Variants in CAMK4 observed in about 807,000 individuals in gnomAD.
CAMK4 encodes the protein calcium/calmodulin dependent protein kinase IV.
A neutral mutation model predicts 44.9 loss-of-function variants in CAMK4; 22 were observed. That is an observed-to-expected ratio of 0.49 (90% CI 0.35 to 0.70). The LOEUF (loss-of-function observed/expected upper bound fraction) is 0.70. CAMK4 is among the 30% of genes least tolerant of loss of function. The probability of loss-of-function intolerance (pLI) is 0.01; values close to 1 mark genes in which losing one functional copy is unlikely to be tolerated. For synonymous variants in CAMK4, 218 were observed against 215.4 expected (o/e 1.01, Z -0.11); for missense variants, 498 against 586.8 (o/e 0.85, Z 1.56).
In CAMK4 at chr5:111,224,408, C is replaced by CGGCGGCT. The variant is rs530657052; in HGVS notation, c.-69_-63dup. On this transcript the variant is annotated 5_prime_UTR_variant, in exon 1 of 11. Transcript: ENST00000282356. This position sits in a 1 kb window ranked among gnomAD's most constrained non-coding sequence, Gnocchi z 5.7. ...TCTCTCTCGCTCCTGCGTTCGCAGG[C>CGGCGGCT]GGCGGCTGGCGGCCGGCTTCTCGCT... 2.3e-4 allele frequency: 345 copies of CGGCGGCT among 1,480,284 alleles called. 2 individuals carry two copies. In the African/African-American group the frequency reaches 4.7e-3, roughly 20 times the overall value. The allele number at this position is 1,480,284 out of a possible 1,614,324, so 91.7% of individuals were successfully genotyped here. A position where few individuals can be genotyped will look rare whatever the true frequency, so the allele number is the denominator to read the frequency against.
At chr5:111,402,731 T>A (rs1349048076) in intron 5 of CAMK4, among the ~76,000 whole-genome samples, 1 of 152,166 alleles carries the variant, frequency 6.6e-6, no homozygotes, top group Admixed American at 6.5e-5. Context: ...GGAAAAATTT[T>A]CCCTTAGTAA....
intron 2 of CAMK4, among the ~76,000 whole-genome samples, chr5:111,369,625 G>C (rs557663009): frequency 6.6e-6 from 1 of 152,112 alleles, no homozygotes; most frequent in East Asian, 1.9e-4. Flanking sequence ...GCATTCAATT[G>C]TTGCCATTTG....
At chr5:111,370,423 T>C (rs1255556087) in intron 2 of CAMK4, among the ~76,000 whole-genome samples, 1 of 152,110 alleles carries the variant, frequency 6.6e-6, no homozygotes, top group Non-Finnish European at 1.5e-5. Flanking sequence ...AATTAAAGGA[T>C]TCTACTATCA....
rs1346091526 is a variant in CAMK4, at chr5:111,485,288, T to C, written c.*822T>C. 1.3e-5 allele frequency: 2 copies of C among 152,202 alleles called. No homozygotes were observed. Among genetic ancestry groups the C allele is most frequent in the African/African-American group, 4.8e-5 (2 of 41,458 alleles). The allele number at this position is 152,202 out of a possible 1,614,324, so 9.4% of individuals were successfully genotyped here. ...AAGACTGTACTTAAACTGATGAAGATAAGATTGATTCCTTTTCATTTTCCA... is the reference window on the plus strand; with the variant it reads ...AAGACTGTACTTAAACTGATGAAGACAAGATTGATTCCTTTTCATTTTCCA... On this transcript the variant is annotated 3_prime_UTR_variant, in exon 11 of 11. Transcript: ENST00000282356.
chr5:111,387,115 A>G lies in CAMK4; in HGVS notation c.387-7595A>G, dbSNP rs74530178. 2.8e-3 allele frequency among the ~76,000 whole-genome samples: 426 copies of G among 152,344 alleles called. 1 individual carries two copies. The highest frequency in any genetic ancestry group is 9.7e-3 in the African/African-American group (403 of 41,576). ...CAAATCACGAAACAGAAATTAGTTTACTAAATCTCAAGAGAAATACAGCAA... is the reference window on the plus strand; with the variant it reads ...CAAATCACGAAACAGAAATTAGTTTGCTAAATCTCAAGAGAAATACAGCAA... On this transcript the variant is annotated intron_variant, in intron 4 of 10. Transcript: ENST00000282356.
chr5:111,431,781 C>T (rs940605269), intron 5 of CAMK4, among the ~76,000 whole-genome samples: 10 of 152,118 alleles, frequency 6.6e-5, no homozygotes, highest in Admixed American at 3.3e-4. Flanking sequence ...CATTGATCAT[C>T]AGAGAAATGC....
At chr5:111,254,786 G>A (rs1749669288) in intron 1 of CAMK4, among the ~76,000 whole-genome samples, 1 of 152,146 alleles carries the variant, frequency 6.6e-6, no homozygotes, top group African/African-American at 2.4e-5. Context: ...TGTGAGTGAT[G>A]GTGATAAAAA....
intron 1 of CAMK4, chr5:111,283,046 G>T (rs571825360): frequency 6.6e-6 from 1 of 152,304 alleles, no homozygotes; most frequent in East Asian, 1.9e-4. Flanking sequence ...CCTGGGAAAA[G>T]ATTGAGATAA....
chr5:111,335,887 A>C (rs964604567), intron 1 of CAMK4, among the ~76,000 whole-genome samples: 1 of 151,426 alleles, frequency 6.6e-6, no homozygotes, highest in African/African-American at 2.4e-5. Context: ...AACACATTAC[A>C]GGTTTGACAA....
At chr5:111,322,958 T>C (rs1054732204) in intron 1 of CAMK4, among the ~76,000 whole-genome samples, 1 of 152,068 alleles carries the variant, frequency 6.6e-6, no homozygotes, top group Admixed American at 6.6e-5. Flanking sequence ...ATCTGAAGAA[T>C]AGAGAGAAAA....
intron 7 of CAMK4, among the ~76,000 whole-genome samples, chr5:111,450,819 A>G (rs919209515): frequency 6.6e-6 from 1 of 151,348 alleles, no homozygotes; most frequent in African/African-American, 2.4e-5. Context: ...AGAAATGCAA[A>G]CCAAGAAATT....
chr5:111,434,212 G>C (rs1024986429), intron 5 of CAMK4, among the ~76,000 whole-genome samples: 4 of 150,924 alleles, frequency 2.7e-5, no homozygotes, highest in Non-Finnish European at 5.9e-5. Flanking sequence ...AGAATCGCTT[G>C]AATCTGGGAG....
In CAMK4 at chr5:111,248,053, T is replaced by C. The variant is rs73230474; in HGVS notation, c.161+23409T>C. On this transcript the variant is annotated intron_variant, in intron 1 of 10. Transcript: ENST00000282356. ...TGCAGATTATCTCACTGGACTAGTG[T>C]TTTACAGAATACATTTTGGAGGGGC... Among the ~76,000 whole-genome samples the C allele has an allele frequency of 7.5e-3, 1,149 of 152,270 alleles. 24 individuals carry two copies. The highest frequency in any genetic ancestry group is 0.027 in the African/African-American group (1,102 of 41,562).
At chr5:111,368,936 TA>T (rs1415586641) in intron 2 of CAMK4, among the ~76,000 whole-genome samples, 1 of 151,780 alleles carries the variant, frequency 6.6e-6, no homozygotes, top group African/African-American at 2.4e-5. Flanking sequence ...TTATTTTTAC[TA>T]GAATTTTTTT....
intron 5 of CAMK4, among the ~76,000 whole-genome samples, chr5:111,443,370 T>C (rs552241803): frequency 7.0e-6 from 1 of 142,942 alleles, no homozygotes; most frequent in Non-Finnish European, 1.5e-5. Flanking sequence ...TATATATATA[T>C]GAATATATCA....
At chr5:111,360,222 TA>T (rs1750534229) in intron 2 of CAMK4, among the ~76,000 whole-genome samples, 1 of 152,112 alleles carries the variant, frequency 6.6e-6, no homozygotes, top group Non-Finnish European at 1.5e-5. Flanking sequence ...AGTATTTCTT[TA>T]GGGTGAAGAT....
chr5:111,377,005 A>G, intron 4 of CAMK4, 63 bp downstream of exon 4: 1 of 986,214 alleles, frequency 1.0e-6, no homozygotes, highest in South Asian at 1.4e-5. Context: ...AAAATAATCT[A>G]AAGGACATTT....
At chr5:111,399,917 A>G (rs775280308) in intron 5 of CAMK4, among the ~76,000 whole-genome samples, 6 of 152,120 alleles carry the variant, frequency 3.9e-5, no homozygotes, top group East Asian at 1.9e-4. Flanking sequence ...CTCTTATTCA[A>G]TTGGTGAAAA....
intron 2 of CAMK4, among the ~76,000 whole-genome samples, chr5:111,372,090 A>G (rs1018743712): frequency 2.0e-5 from 3 of 152,204 alleles, no homozygotes; most frequent in African/African-American, 7.2e-5. Context: ...AAAACTTTGA[A>G]TATGAAATAA....
Sources: gnomAD v4.1 joint callset for allele counts (sites outside exome capture counted in the v4.1 genomes callset) on GRCh38, gnomAD v4.1.1 for gene constraint, Gnocchi (gnomAD v3.1) non-coding constraint, MANE v1.5 for transcripts, NCBI Gene and HGNC (gene_info 2026-07-23, HGNC 2026-07-21) for gene names.